Variants in RFX3 observed in about 807,000 individuals in gnomAD.
RFX3 encodes regulatory factor X3.
RFX3 carries 14 observed loss-of-function variants against 98.6 expected under a neutral mutation model. The observed-to-expected ratio is 0.14, with a 90% CI of 0.09 to 0.22. The LOEUF (loss-of-function observed/expected upper bound fraction) is 0.22. Ranked by LOEUF, RFX3 falls within the 10% of genes least tolerant of loss-of-function variation. The pLI is 1.00. For missense variants in RFX3, 639 were observed against 926.9 expected (o/e 0.69, Z 4.03); for synonymous variants, 383 against 328.4 (o/e 1.17, Z -1.80).
intron 1 of RFX3, among the ~76,000 whole-genome samples, chr9:3,445,316 A>G (rs963476738): frequency 2.0e-5 from 3 of 147,842 alleles, no homozygotes; most frequent in Admixed American, 1.3e-4. Flanking sequence ...AGTTCAATGC[A>G]TAATAGTAAT....
intron 1 of RFX3, chr9:3,489,478 GTAGTA>G (rs1850564793): frequency 1.1e-6 from 1 of 940,892 alleles, no homozygotes; most frequent in African/African-American, 1.8e-5. Context: ...CTATTATTGA[GTAGTA>G]GAGTAGGGGA....
At chr9:3,324,622 T>C (rs1159224289) in intron 4 of RFX3, among the ~76,000 whole-genome samples, 1 of 151,224 alleles carries the variant, frequency 6.6e-6, no homozygotes, top group Non-Finnish European at 1.5e-5. Context: ...TGAAAAAATA[T>C]ATATTCTGCT....
intron 1 of RFX3, among the ~76,000 whole-genome samples, chr9:3,439,876 C>T (rs963661231): frequency 5.9e-5 from 9 of 151,834 alleles, no homozygotes; most frequent in South Asian, 2.1e-4. Flanking sequence ...AATCTTAAAC[C>T]GTTAAATCTA....
rs1228477813 is a variant in RFX3 at position 3,223,413 on chromosome 9, A to G, written c.*1629T>C. The G allele has an allele frequency of 2.6e-5, 4 of 152,228 alleles. No individual in the cohort carries two copies. The highest frequency in any genetic ancestry group is 9.6e-5 in the African/African-American group (4 of 41,454). The allele number at this position is 152,228 out of a possible 1,614,324, so 9.4% of individuals were successfully genotyped here. ...CTCACCAGCACCTAGACACACAGAC[A>G]AACATTTAGACTGAAAAGATGCACT... On this transcript the variant is annotated 3_prime_UTR_variant, in exon 17 of 17. Transcript: ENST00000617270.
chr9:3,344,757 C>A (rs555479813), intron 3 of RFX3: 1 of 673,796 alleles, frequency 1.5e-6, no homozygotes, highest in Non-Finnish European at 2.7e-6. Flanking sequence ...TCTACAAAGC[C>A]ATTTATTTTC....
At chr9:3,309,245 A>C (rs1300211342) in intron 4 of RFX3, among the ~76,000 whole-genome samples, 1 of 152,152 alleles carries the variant, frequency 6.6e-6, no homozygotes, top group Non-Finnish European at 1.5e-5. Flanking sequence ...AGGGCAAGGG[A>C]GATGTCGTAT....
rs547048904 is a variant in RFX3, at chr9:3,373,467, T to G, written c.117+22005A>C. Among the ~76,000 whole-genome samples the G allele has an allele frequency of 4.6e-5, 7 of 152,268 alleles. No homozygotes were observed. In the South Asian group the frequency reaches 1.5e-3, roughly 32 times the overall value. On this transcript the variant is annotated intron_variant, in intron 2 of 16. Transcript: ENST00000617270. ...TGACACCTATGTAGTTTAAGAAAAC[T>G]GTTAAATAGAGAATTAAAAATTTTA...
chr9:3,281,602 T>G (rs903725334), intron 7 of RFX3, among the ~76,000 whole-genome samples: 2 of 151,774 alleles, frequency 1.3e-5, no homozygotes, highest in Admixed American at 6.6e-5. Flanking sequence ...CAAATGATAA[T>G]TTTAACAGCT....
At chr9:3,479,239 G>T (rs1205616552) in intron 1 of RFX3, among the ~76,000 whole-genome samples, 1 of 152,012 alleles carries the variant, frequency 6.6e-6, no homozygotes, top group Non-Finnish European at 1.5e-5. Flanking sequence ...TTCTAAAATG[G>T]CTGATTTTCA....
intron 2 of RFX3, among the ~76,000 whole-genome samples, chr9:3,361,319 G>C (rs1836403688): frequency 1.3e-5 from 2 of 152,002 alleles, no homozygotes; most frequent in African/African-American, 4.8e-5. Flanking sequence ...GGTATTTCTG[G>C]CCCAGTAAAA....
chr9:3,393,538 A>AC (rs1554691629), intron 2 of RFX3, among the ~76,000 whole-genome samples: 27 of 151,992 alleles, frequency 1.8e-4, no homozygotes, highest in African/African-American at 5.3e-4. Flanking sequence ...TGCCTTTAAA[A>AC]AGATAACTGT....
chr9:3,314,542 T>C (rs1830353767), intron 4 of RFX3, among the ~76,000 whole-genome samples: 1 of 152,116 alleles, frequency 6.6e-6, no homozygotes, highest in African/African-American at 2.4e-5. Context: ...TAAATGTAAA[T>C]GGGCCAAATG....
At chr9:3,484,883 A>C (rs1325490218) in intron 1 of RFX3, among the ~76,000 whole-genome samples, 1 of 151,992 alleles carries the variant, frequency 6.6e-6, no homozygotes, top group Admixed American at 6.6e-5. Context: ...CAGGAGTTCA[A>C]GACCAGCCTG....
At chr9:3,400,227 T>C in intron 1 of RFX3, 3 of 982,704 alleles carry the variant, frequency 3.1e-6, no homozygotes, top group Non-Finnish European at 2.4e-6. Flanking sequence ...GGCAAACTGA[T>C]GAATTTTTAG....
intron 13 of RFX3, among the ~76,000 whole-genome samples, chr9:3,258,666 C>T (rs1311026033): frequency 6.6e-6 from 1 of 151,840 alleles, no homozygotes; most frequent in Admixed American, 6.6e-5. Context: ...ATAGAAAAAA[C>T]TGTGAATACA....
At chr9:3,520,674 G>A (rs549173542) in intron 1 of RFX3, among the ~76,000 whole-genome samples, 1 of 152,148 alleles carries the variant, frequency 6.6e-6, no homozygotes, top group South Asian at 2.1e-4. Flanking sequence ...GATTGCATTC[G>A]TTTCTGTTTT....
At chr9:3,506,205 G>A (rs1564188574) in intron 1 of RFX3, among the ~76,000 whole-genome samples, 1 of 139,114 alleles carries the variant, frequency 7.2e-6, no homozygotes, top group Non-Finnish European at 1.6e-5. Flanking sequence ...AAGGACAACT[G>A]TTTTTTTTTT....
At chr9:3,328,314 C>G (rs1416757829) in intron 4 of RFX3, among the ~76,000 whole-genome samples, 6 of 152,044 alleles carry the variant, frequency 3.9e-5, no homozygotes, top group Non-Finnish European at 5.9e-5. Context: ...GCTATAGTTA[C>G]TTTTACATTT....
chr9:3,290,295 C>A (rs904316586), intron 6 of RFX3, among the ~76,000 whole-genome samples: 1 of 151,910 alleles, frequency 6.6e-6, no homozygotes, highest in Non-Finnish European at 1.5e-5. Context: ...GGCAATATTG[C>A]AATACGTACT....
Sources: gnomAD v4.1 joint callset for allele counts (sites outside exome capture counted in the v4.1 genomes callset) on GRCh38, gnomAD v4.1.1 for gene constraint, MANE v1.5 for transcripts, NCBI Gene and HGNC (gene_info 2026-07-23, HGNC 2026-07-21) for gene names.